UGT2A1: variants seen among roughly 807,000 people sequenced by gnomAD.
The protein encoded by UGT2A1 is UDP-glucuronosyltransferase 2A1.
A neutral mutation model predicts 45.4 loss-of-function variants in UGT2A1; 61 were observed. That is an observed-to-expected ratio of 1.34 (90% CI 1.09 to 1.66). UGT2A1 has a LOEUF of 1.66. UGT2A1 is among the 40% of genes most tolerant of loss of function. UGT2A1 has a pLI of 0.00. For missense variants in UGT2A1, 649 were observed against 574.3 expected (o/e 1.13, Z -1.33); for synonymous variants, 229 against 196.2 (o/e 1.17, Z -1.40).
chr4:69,607,808 C>T (rs1172180271), intron 3 of UGT2A1, among the ~76,000 whole-genome samples: 1 of 152,182 alleles, frequency 6.6e-6, no homozygotes, highest in African/African-American at 2.4e-5. Context: ...AGCCAAAAGA[C>T]ACATGAAAAA....
At chr4:69,639,657 C>A (rs1266804022) in intron 2 of UGT2A1, 2 of 1,523,038 alleles carry the variant, frequency 1.3e-6, no homozygotes, top group Non-Finnish European at 8.8e-7. Context: ...GTAGATCCTT[C>A]AAGATGAAAA....
At chr4:69,639,673 T>G (rs1721945045) in intron 2 of UGT2A1, 1 of 1,513,574 alleles carries the variant, frequency 6.6e-7, no homozygotes, top group African/African-American at 1.4e-5. Flanking sequence ...GAAAAAAAAA[T>G]CTTCAAAGTA....
intron 1 of UGT2A1, 36 bp from the exon 2 acceptor site, chr4:69,647,734 T>C: frequency 1.0e-6 from 1 of 989,196 alleles, no homozygotes; most frequent in Non-Finnish European, 1.4e-6. Context: ...AAATTATTTC[T>C]CAATTTTGAG....
chr4:69,632,155 A>C (rs1170036759), intron 3 of UGT2A1, among the ~76,000 whole-genome samples: 1 of 152,174 alleles, frequency 6.6e-6, no homozygotes, highest in Non-Finnish European at 1.5e-5. Context: ...ATTCAAAGAT[A>C]ATTACATTCA....
At chr4:69,627,623 G>T (rs28560222) in intron 3 of UGT2A1, among the ~76,000 whole-genome samples, 1 of 150,594 alleles carries the variant, frequency 6.6e-6, no homozygotes. Flanking sequence ...AGAGAAGAAA[G>T]AAAAAAGAAA....
intron 3 of UGT2A1, among the ~76,000 whole-genome samples, chr4:69,625,736 G>A (rs959946580): frequency 1.1e-4 from 16 of 151,268 alleles, no homozygotes; most frequent in East Asian, 5.8e-4. Flanking sequence ...GAAATACAGA[G>A]CAACTGCTAA....
At position 69,639,676 on chromosome 4, in the gene UGT2A1, T is replaced by C. The variant is rs557878792; in HGVS notation, c.716-3854A>G. Reference sequence around the variant, plus strand: ...ATCCTTCAAGATGAAAAAAAAATCTTCAAAGTATATTTAGGTCAATTTTTA... The same window carrying C: ...ATCCTTCAAGATGAAAAAAAAATCTCCAAAGTATATTTAGGTCAATTTTTA... On this transcript the variant is annotated intron_variant, in intron 2 of 6. Transcript: ENST00000286604. 15 of 1,511,412 alleles carry C rather than the reference T, an allele frequency of 9.9e-6. No homozygotes were observed. In the African/African-American group the frequency reaches 1.8e-4, roughly 18 times the overall value. 93.6% of individuals were successfully genotyped at this position (1,511,412 alleles called of 1,614,324 possible).
intron 3 of UGT2A1, among the ~76,000 whole-genome samples, chr4:69,614,730 T>A (rs1036420025): frequency 6.6e-6 from 1 of 152,064 alleles, no homozygotes; most frequent in African/African-American, 2.4e-5. Flanking sequence ...AGGAATGGAC[T>A]CTTAATGGTG....
chr4:69,619,934 T>C (rs1720645656), intron 3 of UGT2A1, among the ~76,000 whole-genome samples: 2 of 151,590 alleles, frequency 1.3e-5, no homozygotes, highest in South Asian at 4.1e-4. Context: ...AAAAGGCTTT[T>C]GATACCTTTA....
rs1478288008 is a variant in UGT2A1, at chr4:69,606,240, T to G, written c.848-6846A>C. Among the ~76,000 whole-genome samples the G allele has an allele frequency of 1.5e-4, 21 of 136,368 alleles. 4 individuals carry two copies. The highest frequency in any genetic ancestry group is 6.3e-4 in the African/African-American group (21 of 33,584). 89.5% of individuals were successfully genotyped at this position (136,368 alleles called of 152,430 possible). ...CTTACCCACCATGATCAAGTGGGCT[T>G]CATCCCTGGGACGCAAGGCTGGGTC... On this transcript the variant is annotated intron_variant, in intron 3 of 6. Coordinates refer to ENST00000286604, the MANE Select transcript of UGT2A1 (RefSeq NM_001252275.3).
chr4:69,651,752 T>C (rs995991474), intron 1 of UGT2A1, among the ~76,000 whole-genome samples: 9 of 152,142 alleles, frequency 5.9e-5, no homozygotes, highest in Non-Finnish European at 8.8e-5. Context: ...GGCACGTGCA[T>C]TAAGAGACAA....
At chr4:69,652,282 CTTTT>C (rs10649712) in intron 1 of UGT2A1, among the ~76,000 whole-genome samples, 2 of 120,004 alleles carry the variant, frequency 1.7e-5, no homozygotes, top group Admixed American at 9.2e-5. Context: ...ACTTTATGTC[CTTTT>C]TTTTTTTTTT....
chr4:69,638,782 T>G (rs1179709149), intron 2 of UGT2A1: 9 of 1,282,452 alleles, frequency 7.0e-6, no homozygotes, highest in African/African-American at 1.5e-5. Context: ...TACAGAGATA[T>G]AAGAAGTCCA....
rs184702238 is a variant in UGT2A1, at chr4:69,644,799, G to A, written c.715+2131C>T. Among the ~76,000 whole-genome samples the A allele has an allele frequency of 8.4e-4, 128 of 151,750 alleles. 2 individuals are homozygous for A. The highest frequency in any genetic ancestry group is 6.4e-3 in the Admixed American group (97 of 15,210). On this transcript the variant is annotated intron_variant, in intron 2 of 6. Transcript: ENST00000286604. ...TTTGCTATCAGTGCTAATTATAATT[G>A]GTTTACCAGCTTTTGATAATAATCA...
At chr4:69,614,454 A>G (rs1322824756) in intron 3 of UGT2A1, among the ~76,000 whole-genome samples, 1 of 124,840 alleles carries the variant, frequency 8.0e-6, no homozygotes, top group Non-Finnish European at 1.7e-5. Flanking sequence ...TTCTTCACAA[A>G]TTAAAAAATA....
chr4:69,596,309 T>C lies in UGT2A1; in HGVS notation c.997-1060A>G, dbSNP rs778389564. ...AGATTGGCCTTTTCTTCTGTAAGGT[T>C]TTTGACCATTGATCCCAGAGAAAAC... On this transcript the variant is annotated intron_variant, in intron 4 of 6. Coordinates refer to ENST00000286604, the MANE Select transcript of UGT2A1 (RefSeq NM_001252275.3). The C allele has an allele frequency of 4.4e-6, 7 of 1,608,786 alleles. No homozygotes were observed. The Admixed American group carries it at 1.2e-4, about 27-fold the overall frequency.
chr4:69,605,610 T>C (rs1719560469), intron 3 of UGT2A1, among the ~76,000 whole-genome samples: 1 of 136,222 alleles, frequency 7.3e-6, no homozygotes, highest in Non-Finnish European at 1.6e-5. Flanking sequence ...CAAAAAACCC[T>C]TTAAAAAATC....
chr4:69,596,531 A>G, intron 4 of UGT2A1: 1 of 1,233,356 alleles, frequency 8.1e-7, no homozygotes, highest in Non-Finnish European at 1.0e-6. Flanking sequence ...TCTAGTTTCT[A>G]TATTTTTTTT....
chr4:69,638,777 A>C (rs1445948382), intron 2 of UGT2A1: 2 of 1,224,076 alleles, frequency 1.6e-6, no homozygotes, highest in African/African-American at 3.1e-5. Flanking sequence ...GTTTGTACAG[A>C]GATATAAGAA....
Sources: allele counts gnomAD v4.1 joint callset (sites outside exome capture counted in the v4.1 genomes callset), GRCh38; gene constraint gnomAD v4.1.1; transcripts MANE v1.5; gene names NCBI Gene and HGNC (gene_info 2026-07-23, HGNC 2026-07-21).